GRID2: variants seen among roughly 807,000 people sequenced by gnomAD.
GRID2 encodes the protein glutamate receptor ionotropic, delta-2.
GRID2 carries 33 observed loss-of-function variants against 114.8 expected under a neutral mutation model. The observed-to-expected ratio is 0.29, with a 90% confidence interval of 0.22 to 0.38. The LOEUF is 0.38. GRID2 is among the 10% of genes least tolerant of loss of function. GRID2 has a pLI of 1.00. For missense variants in GRID2, 1,184 were observed against 1,257.7 expected (o/e 0.94, Z 0.89); for synonymous variants, 505 against 449.9 (o/e 1.12, Z -1.55).
At chr4:92,580,000 T>G (rs1180055710) in intron 1 of GRID2, among the ~76,000 whole-genome samples, 3 of 147,618 alleles carry the variant, frequency 2.0e-5, no homozygotes, top group African/African-American at 7.4e-5. Context: ...TTTACATATA[T>G]ATTTTATATA....
chr4:92,517,624 C>G (rs963489264), intron 1 of GRID2, among the ~76,000 whole-genome samples: 12 of 151,794 alleles, frequency 7.9e-5, no homozygotes, highest in Non-Finnish European at 1.5e-4. Flanking sequence ...ATGAGTAGTA[C>G]TTGGGTTTAA....
intron 14 of GRID2, among the ~76,000 whole-genome samples, chr4:93,714,585 A>C (rs1728750626): frequency 6.6e-6 from 1 of 152,156 alleles, no homozygotes; most frequent in Non-Finnish European, 1.5e-5. Context: ...CAACCTCACC[A>C]GCATCTGTTG....
rs201676662 is a variant in GRID2, at chr4:92,747,224, TA to T, written c.244+156945del. On this transcript the variant is annotated intron_variant, in intron 2 of 15. Coordinates refer to ENST00000282020, the MANE Select transcript of GRID2 (RefSeq NM_001510.4). ...AGGTTACTTTTATTGTAATTATTTATAAAAAAAGATATATAAATTTGAGTAA... is the reference window on the plus strand; with the variant it reads ...AGGTTACTTTTATTGTAATTATTTATAAAAAAGATATATAAATTTGAGTAA... 1.2e-4 allele frequency among the ~76,000 whole-genome samples: 19 copies of T among 152,114 alleles called. 1 individual carries two copies. The East Asian group carries it at 3.5e-3, about 28-fold the overall frequency.
chr4:93,804,992 A>G lies in GRID2; in HGVS notation c.222-1723A>G, dbSNP rs138404037. 3.2e-4 allele frequency among the ~76,000 whole-genome samples: 48 copies of G among 152,346 alleles called. 1 individual carries two copies. The East Asian group carries it at 9.3e-3, about 29-fold the overall frequency. On this transcript the variant is annotated intron_variant, in intron 1 of 1. Transcript: ENST00000637838. ...CAGATTATGAGCCTATCCAGGGCAG[A>G]CTTTATGTTGTATACCAGTGCATTT...
chr4:92,585,653 A>G (rs920843428), intron 1 of GRID2, among the ~76,000 whole-genome samples: 21 of 152,032 alleles, frequency 1.4e-4, no homozygotes, highest in Middle Eastern at 3.4e-3. Flanking sequence ...TTTCTTCAAG[A>G]TATATCAAAT....
chr4:92,465,157 G>A (rs1369371638), intron 1 of GRID2, among the ~76,000 whole-genome samples: 2 of 151,920 alleles, frequency 1.3e-5, no homozygotes, highest in Non-Finnish European at 2.9e-5. Flanking sequence ...TGTGTTTATA[G>A]CAGTGTGAGA....
At chr4:93,426,122 AG>A (rs1768822557) in intron 10 of GRID2, among the ~76,000 whole-genome samples, 1 of 152,196 alleles carries the variant, frequency 6.6e-6, no homozygotes, top group Non-Finnish European at 1.5e-5. Context: ...AGGCAGTGGT[AG>A]GGAAAATAAT....
intron 11 of GRID2, among the ~76,000 whole-genome samples, chr4:93,470,242 T>C (rs72668747): frequency 0.014 from 2,104 of 152,246 alleles, 18 homozygotes; most frequent in South Asian, 0.056. Flanking sequence ...TGAGTAACTT[T>C]CTTGCTACTA....
chr4:92,381,147 C>T (rs956278720), intron 1 of GRID2, among the ~76,000 whole-genome samples: 3 of 151,846 alleles, frequency 2.0e-5, no homozygotes, highest in Non-Finnish European at 4.4e-5. Context: ...ATCATAATAA[C>T]CTAATAAAAT....
intron 1 of GRID2, among the ~76,000 whole-genome samples, chr4:92,313,703 AAGG>A (rs1190078694): frequency 1.3e-5 from 2 of 152,038 alleles, no homozygotes; most frequent in African/African-American, 4.8e-5. Context: ...GTAATTCTAG[AAGG>A]AGAAGTGAGA....
At chr4:93,554,981 C>T (rs923858861) in intron 13 of GRID2, among the ~76,000 whole-genome samples, 1 of 152,124 alleles carries the variant, frequency 6.6e-6, no homozygotes, top group Non-Finnish European at 1.5e-5. Context: ...GGTTGGGCAT[C>T]ACCTCACCCA....
chr4:92,731,692 TA>T (rs1342610350), intron 2 of GRID2, among the ~76,000 whole-genome samples: 2 of 151,946 alleles, frequency 1.3e-5, no homozygotes, highest in Non-Finnish European at 2.9e-5. Context: ...ATTTATTAAT[TA>T]AATTGAGTAA....
intron 13 of GRID2, among the ~76,000 whole-genome samples, chr4:93,607,121 C>G (rs1740322488): frequency 6.6e-6 from 1 of 151,982 alleles, no homozygotes; most frequent in African/African-American, 2.4e-5. Flanking sequence ...GGCTTTTCCC[C>G]ATTCTTCTCT....
At chr4:92,466,877 A>G (rs745960637) in intron 1 of GRID2, among the ~76,000 whole-genome samples, 1 of 151,696 alleles carries the variant, frequency 6.6e-6, no homozygotes, top group Non-Finnish European at 1.5e-5. Flanking sequence ...CCTTAATGGG[A>G]TGCATACAGG....
At chr4:93,306,080 TTTC>T in intron 8 of GRID2, 1 of 152,318 alleles carries the variant, frequency 6.6e-6, no homozygotes, top group Admixed American at 6.5e-5. Context: ...CGTTACGATT[TTTC>T]TTTTCAATGT....
Position 93,661,826 on chromosome 4 carries a change from A to G in GRID2, c.2360+35391A>G, listed in dbSNP as rs116034615. Among the ~76,000 whole-genome samples the G allele has an allele frequency of 2.6e-3, 389 of 152,304 alleles. 2 individuals carry two copies. The highest frequency in any genetic ancestry group is 8.9e-3 in the African/African-American group (369 of 41,572). On this transcript the variant is annotated intron_variant, in intron 14 of 15. Transcript: ENST00000282020. ...CTGGCTCTCTTACAGTGTCATCAAC[A>G]AAACAACAAGAGTGGTTCTTATTAT...
chr4:93,488,569 T>C (rs940764712), intron 11 of GRID2, among the ~76,000 whole-genome samples: 1 of 152,002 alleles, frequency 6.6e-6, no homozygotes, highest in Admixed American at 6.6e-5. Flanking sequence ...TCTCTTTATT[T>C]CCACCGTGAG....
At chr4:93,686,723 G>C (rs1182772488) in intron 14 of GRID2, among the ~76,000 whole-genome samples, 1 of 151,958 alleles carries the variant, frequency 6.6e-6, no homozygotes, top group African/African-American at 2.4e-5. Context: ...GGAGAAGTGT[G>C]TTTCAGAAAG....
At chr4:93,075,883 C>CTGTTTTTTTT (rs1490779668) in intron 2 of GRID2, among the ~76,000 whole-genome samples, 2 of 76,606 alleles carry the variant, frequency 2.6e-5, no homozygotes, top group Admixed American at 1.4e-4. Context: ...AGTTACCTCT[C>CTGTTTTTTTT]TTTTTTTTTT....
Sources: allele counts gnomAD v4.1 joint callset (sites outside exome capture counted in the v4.1 genomes callset), GRCh38; gene constraint gnomAD v4.1.1; transcripts MANE v1.5; gene names NCBI Gene and HGNC (gene_info 2026-07-23, HGNC 2026-07-21).